Variants in SDK2 observed in about 807,000 individuals in gnomAD.
SDK2 encodes protein sidekick-2.
SDK2 carries 105 observed loss-of-function variants against 253.9 expected under a neutral mutation model. The ratio of observed to expected loss-of-function variants is 0.41; its 90% CI spans 0.35 to 0.49. The LOEUF (loss-of-function observed/expected upper bound fraction) is 0.49, where lower values mean the gene tolerates loss of function less well. Among genes scored for constraint, SDK2 ranks in the 20% least tolerant of loss-of-function variants. The probability of loss-of-function intolerance (pLI) is 0.06; values close to 1 mark genes in which losing one functional copy is unlikely to be tolerated. For missense variants in SDK2, 2,608 were observed against 3,003.0 expected (o/e 0.87, Z 3.07); for synonymous variants, 1,249 against 1,234.9 (o/e 1.01, Z -0.24).
intron 17 of SDK2, among the ~76,000 whole-genome samples, chr17:73,414,973 A>G (rs1053827848): frequency 1.3e-5 from 2 of 152,164 alleles, no homozygotes; most frequent in East Asian, 1.9e-4. Context: ...CCCACCTCAC[A>G]GGGTACTGGT....
At chr17:73,596,697 A>C (rs1365880364) in intron 1 of SDK2, among the ~76,000 whole-genome samples, 1 of 152,090 alleles carries the variant, frequency 6.6e-6, no homozygotes, top group African/African-American at 2.4e-5. Context: ...CAGGGGACAC[A>C]GGACAGGGTG....
intron 12 of SDK2, among the ~76,000 whole-genome samples, chr17:73,429,522 G>C (rs556698039): frequency 2.6e-5 from 4 of 152,300 alleles, no homozygotes; most frequent in Non-Finnish European, 4.4e-5. Context: ...GTCTCATTTG[G>C]GGGTGGCTGT....
At chr17:73,425,584 T>C (rs1230337879) in intron 12 of SDK2, among the ~76,000 whole-genome samples, 2 of 152,164 alleles carry the variant, frequency 1.3e-5, no homozygotes, top group Non-Finnish European at 2.9e-5. Flanking sequence ...CTTGACTCAC[T>C]GCAACCTCCA....
intron 39 of SDK2, among the ~76,000 whole-genome samples, chr17:73,360,273 G>A (rs1821953945): frequency 6.6e-6 from 1 of 152,220 alleles, no homozygotes; most frequent in Non-Finnish European, 1.5e-5. Flanking sequence ...GAGCTACAGG[G>A]CTTCTTTGCA....
rs148055282 is a variant in SDK2, at chr17:73,381,769, G to A, written c.4706-819C>T. On this transcript the variant is annotated intron_variant, in intron 33 of 44. Transcript: ENST00000392650. ...AAAACACAAAAATTAGCTGGGCATAGTGGTGCACGCCTGTAGGTCCAGCTA... is the reference window on the plus strand; with the variant it reads ...AAAACACAAAAATTAGCTGGGCATAATGGTGCACGCCTGTAGGTCCAGCTA... Among the ~76,000 whole-genome samples, 609 of 152,178 alleles carry A rather than the reference G, an allele frequency of 4.0e-3. 27 individuals carry two copies. The East Asian group carries it at 0.086, about 22-fold the overall frequency.
rs1329825741 is a variant in SDK2, at chr17:73,431,102, A to G, written c.1480+400T>C. Among the ~76,000 whole-genome samples, 3 of 152,198 alleles carry G rather than the reference A, an allele frequency of 2.0e-5. No homozygotes were observed. Among genetic ancestry groups the G allele is most frequent in the African/African-American group, 4.8e-5 (2 of 41,458 alleles). On this transcript the variant is annotated intron_variant, in intron 11 of 44. Coordinates refer to ENST00000392650, the MANE Select transcript of SDK2 (RefSeq NM_001144952.2). This position sits in a 1 kb window ranked among gnomAD's most constrained non-coding sequence, Gnocchi z 5.6. The stretch of plus-strand genomic sequence containing the variant: ...CATAGCCACGCCCATTGGATGACAT[A>G]CCGTCTGTGGCTGCTTTCTAGATAA...
chr17:73,426,273 G>C (rs933017464), intron 12 of SDK2, among the ~76,000 whole-genome samples: 2 of 129,238 alleles, frequency 1.5e-5, no homozygotes, highest in African/African-American at 5.8e-5. Context: ...TGCCATGTTG[G>C]CCAAGCTGGT....
intron 1 of SDK2, among the ~76,000 whole-genome samples, chr17:73,601,097 G>C (rs529721948): frequency 6.6e-6 from 1 of 151,026 alleles, no homozygotes; most frequent in Non-Finnish European, 1.5e-5. Flanking sequence ...TCAGCTCACT[G>C]CAACCTCCGC....
intron 1 of SDK2, among the ~76,000 whole-genome samples, chr17:73,562,571 GAGA>G (rs1057354141): frequency 7.2e-5 from 11 of 152,138 alleles, no homozygotes; most frequent in African/African-American, 2.7e-4. Context: ...GAGAGGCGGG[GAGA>G]AGAAGGCAGG....
chr17:73,442,064 GA>G (rs998986411), intron 5 of SDK2, among the ~76,000 whole-genome samples: 1 of 152,274 alleles, frequency 6.6e-6, no homozygotes, highest in Non-Finnish European at 1.5e-5. Context: ...AGTTAAGGAT[GA>G]AACTCTCAGA....
At chr17:73,470,363 G>A (rs1455882868) in intron 3 of SDK2, among the ~76,000 whole-genome samples, 1 of 151,916 alleles carries the variant, frequency 6.6e-6, no homozygotes, top group African/African-American at 2.4e-5. Context: ...CCAGACACAT[G>A]TGAACAAAAA....
In SDK2 at chr17:73,437,779, C is replaced by T. The variant is rs377051188; in HGVS notation, c.960G>A (p.Ala320=). 3.9e-5 allele frequency: 63 copies of T among 1,613,896 alleles called. No individual in the cohort carries two copies. Among genetic ancestry groups the T allele is most frequent in the East Asian group, 1.1e-4 (5 of 44,888 alleles). The part of the protein sequence containing the change: ...FVKEPERHIT[A]EMEKVVDIPC... ...GGATGTCCACCACCTTCTCCATCTC[C>T]GCAGTGATGTGTCTTTCTGGCTCCT... Residue 320 remains alanine (A), a synonymous_variant, in exon 8 of 45, where the codon GCG becomes GCA. Coordinates refer to ENST00000392650, the MANE Select transcript of SDK2 (RefSeq NM_001144952.2).
rs1006994828 is a variant in SDK2, at chr17:73,511,915, G to C, written c.65-4318C>G. ...TGTGCACGTGTTTATGTGTGCAGGT[G>C]TGTGTGTGTGCAGGTGTGTCTGCAT... On this transcript the variant is annotated intron_variant, in intron 1 of 44. Transcript: ENST00000392650. This position sits in a 1 kb window ranked among gnomAD's most constrained non-coding sequence, Gnocchi z 4.9. 2.6e-5 allele frequency among the ~76,000 whole-genome samples: 4 copies of C among 152,050 alleles called. No homozygotes were observed. The highest frequency in any genetic ancestry group is 1.3e-4 in the Admixed American group (2 of 15,264).
chr17:73,483,920 T>A (rs2063754577), intron 2 of SDK2, among the ~76,000 whole-genome samples: 1 of 151,352 alleles, frequency 6.6e-6, no homozygotes, highest in South Asian at 2.1e-4. Flanking sequence ...GTATAAGGAG[T>A]TAAAACTCAG....
chr17:73,373,157 A>G (rs1388479476), intron 36 of SDK2, among the ~76,000 whole-genome samples: 1 of 152,218 alleles, frequency 6.6e-6, no homozygotes, highest in Non-Finnish European at 1.5e-5. Context: ...TTCATTTGGC[A>G]TAATATCCTG....
chr17:73,378,134 T>C (rs1405601913), intron 36 of SDK2, among the ~76,000 whole-genome samples: 1 of 147,630 alleles, frequency 6.8e-6, no homozygotes, highest in African/African-American at 2.6e-5. Flanking sequence ...AGTGTCTTGC[T>C]CTGTTACCTG....
At position 73,393,852 on chromosome 17, in the gene SDK2, C is replaced by G. The variant is rs1373323027; in HGVS notation, c.3709-103G>C. On this transcript the variant is annotated intron_variant, in intron 26 of 44. Transcript: ENST00000392650. ...GGATGAGCAGCTGTGTGTCACACAT[C>G]TCCCAACTTCCAGACCAGGGCTGGA... The G allele has an allele frequency of 1.0e-5, 9 of 898,440 alleles. No homozygotes were observed. In the African/African-American group the frequency reaches 1.5e-4, roughly 15 times the overall value. 55.7% of individuals were successfully genotyped at this position (898,440 alleles called of 1,614,324 possible).
rs1341678461 is a variant in SDK2, at chr17:73,511,362, G to A, written c.65-3765C>T. ...TGAGCACACACACACGCGCGAGCAC[G>A]CACACGCTCTGCGCCCAGACGCCCT... On this transcript the variant is annotated intron_variant, in intron 1 of 44. Coordinates refer to ENST00000392650, the MANE Select transcript of SDK2 (RefSeq NM_001144952.2). The surrounding 1 kb of genome is among the most constrained non-coding windows in gnomAD (Gnocchi z 4.9). Among the ~76,000 whole-genome samples the A allele has an allele frequency of 1.3e-5, 2 of 152,204 alleles. No homozygotes were observed. The highest frequency in any genetic ancestry group is 4.8e-5 in the African/African-American group (2 of 41,456).
At chr17:73,340,415 G>A (rs1397627920) in intron 44 of SDK2, among the ~76,000 whole-genome samples, 1 of 152,164 alleles carries the variant, frequency 6.6e-6, no homozygotes, top group Non-Finnish European at 1.5e-5. Flanking sequence ...TCTGTCTCCA[G>A]GGATTAACTT....
Sources: allele counts gnomAD v4.1 joint callset (sites outside exome capture counted in the v4.1 genomes callset), GRCh38; gene constraint gnomAD v4.1.1; non-coding constraint Gnocchi (gnomAD v3.1); transcripts MANE v1.5; gene names NCBI Gene and HGNC (gene_info 2026-07-23, HGNC 2026-07-21).